LOC101059915: variants seen among roughly 807,000 people sequenced by gnomAD.
chrX:71,669,690 G>C, the LOC101059915 span: 2 of 973,768 alleles, frequency 2.1e-6, no homozygotes, highest in Non-Finnish European at 2.6e-6. Flanking sequence ...TGAGACGCCT[G>C]GTGCCCAGAT....
the LOC101059915 span, chrX:71,670,850 T>A: frequency 5.3e-5 from 40 of 752,367 alleles, no homozygotes; most frequent in Non-Finnish European, 6.1e-5. Flanking sequence ...CAATGTGTCG[T>A]CTGAACTCCG....
At chrX:71,671,141 CG>C in the LOC101059915 span, 1 of 1,162,096 alleles carries the variant, frequency 8.6e-7, no homozygotes, top group Non-Finnish European at 1.1e-6. Context: ...TTTTTCCCCA[CG>C]GGGGCAGGGC....
At chrX:71,668,275 C>G in the LOC101059915 span, 1 of 1,131,230 alleles carries the variant, frequency 8.8e-7, no homozygotes, top group Non-Finnish European at 1.2e-6. Context: ...AGAATGGCAG[C>G]AGGCCTCTGC....
chrX:71,669,520 G>T, the LOC101059915 span: 28 of 952,418 alleles, frequency 2.9e-5, no homozygotes, highest in Non-Finnish European at 1.3e-6. Context: ...CTCACCGCCC[G>T]TCCCCACTGC....
chrX:71,670,699 T>A, the LOC101059915 span: 31 of 1,111,601 alleles, frequency 2.8e-5, no homozygotes, highest in Non-Finnish European at 3.5e-5. Context: ...GACAGCGGTG[T>A]CGTTCTGCAG....
the LOC101059915 span, among the ~76,000 whole-genome samples, chrX:71,669,945 G>A: frequency 8.9e-6 from 1 of 112,442 alleles, no homozygotes; most frequent in South Asian, 3.7e-4. Context: ...TTCCAACTCT[G>A]GAAGGAGACT....
At chrX:71,667,955 G>A in the LOC101059915 span, 4 of 1,158,577 alleles carry the variant, frequency 3.5e-6, no homozygotes, top group South Asian at 2.0e-5. Flanking sequence ...AGTGGCAAGG[G>A]TAAGGGCAAG....
chrX:71,668,171 C>G, the LOC101059915 span: 2 of 1,128,688 alleles, frequency 1.8e-6, no homozygotes, highest in Non-Finnish European at 2.3e-6. Context: ...GGACACCCGT[C>G]CCCAGAAGGC....
the LOC101059915 span, chrX:71,669,728 G>A: frequency 5.1e-6 from 5 of 977,742 alleles, no homozygotes; most frequent in Non-Finnish European, 6.5e-6. Context: ...GAGTCTTGCG[G>A]GTTTGATAGG....
chrX:71,670,554 G>A, the LOC101059915 span: 1 of 1,092,218 alleles, frequency 9.2e-7, no homozygotes. Context: ...GGAGAACGGG[G>A]AGAAAGGAAG....
chrX:71,667,707 C>A, the LOC101059915 span: 1 of 882,207 alleles, frequency 1.1e-6, no homozygotes, highest in Non-Finnish European at 1.4e-6. Flanking sequence ...CTGAGAGTGG[C>A]CCCCTCGGCT....
the LOC101059915 span, chrX:71,667,706 GC>G: frequency 2.3e-6 from 2 of 875,163 alleles, no homozygotes; most frequent in Non-Finnish European, 2.9e-6. Flanking sequence ...GCTGAGAGTG[GC>G]CCCCTCGGCT....
the LOC101059915 span, chrX:71,668,563 A>G: frequency 1.8e-6 from 2 of 1,118,638 alleles, no homozygotes; most frequent in East Asian, 6.6e-5. Context: ...CCGCAGGGAG[A>G]GTTACCTTCA....
At chrX:71,667,580 A>G in the LOC101059915 span, 1 of 277,628 alleles carries the variant, frequency 3.6e-6, no homozygotes, top group Middle Eastern at 9.9e-4. Flanking sequence ...ACGCGCTGTC[A>G]GTGACATCTC....
chrX:71,669,114 C>A, the LOC101059915 span: 7 of 1,069,401 alleles, frequency 6.5e-6, no homozygotes, highest in African/African-American at 5.7e-5. Flanking sequence ...TGTCTCCCCC[C>A]ACCCACCTCT....
At chrX:71,667,878 C>T in the LOC101059915 span, 1 of 1,108,422 alleles carries the variant, frequency 9.0e-7, no homozygotes, top group Admixed American at 3.5e-5. Flanking sequence ...CCGGCGCCCA[C>T]ACCGCCAGCC....
chrX:71,671,141 C>G, the LOC101059915 span: 1 of 1,160,324 alleles, frequency 8.6e-7, no homozygotes, highest in African/African-American at 1.8e-5. Context: ...TTTTTCCCCA[C>G]GGGGGCAGGG....
the LOC101059915 span, chrX:71,668,927 A>G: frequency 8.7e-7 from 1 of 1,144,945 alleles, no homozygotes; most frequent in Non-Finnish European, 1.2e-6. Flanking sequence ...AGACCCAAGG[A>G]GCCCAAGCAC....
At chrX:71,670,507 T>G in the LOC101059915 span, 4 of 1,075,706 alleles carry the variant, frequency 3.7e-6, no homozygotes, top group Admixed American at 3.1e-5. Flanking sequence ...ACCACTGGGC[T>G]GCAGGCTATG....
Sources: allele counts gnomAD v4.1 joint callset (sites outside exome capture counted in the v4.1 genomes callset), GRCh38; gene constraint gnomAD v4.1.1; transcripts MANE v1.5.